The following ATP8A2 variants were observed in gnomAD, a reference collection of about 807,000 sequenced individuals.
The protein encoded by ATP8A2 is phospholipid-transporting ATPase IB.
ATP8A2 carries 100 observed loss-of-function variants against 165.6 expected under a neutral mutation model. The ratio of observed to expected loss-of-function variants is 0.60; its 90% CI spans 0.51 to 0.71. ATP8A2 has a LOEUF of 0.71. Ranked by LOEUF, ATP8A2 falls within the 30% of genes least tolerant of loss-of-function variation. ATP8A2 has a pLI of 0.00. For synonymous variants in ATP8A2, 543 were observed against 548.8 expected (o/e 0.99, Z 0.15); for missense variants, 1,227 against 1,479.5 (o/e 0.83, Z 2.80).
chr13:25,625,494 A>G (rs2041078340), intron 24 of ATP8A2, among the ~76,000 whole-genome samples: 1 of 152,208 alleles, frequency 6.6e-6, no homozygotes, highest in Admixed American at 6.5e-5. Context: ...AGCAATTCAA[A>G]GATTATTAAA....
chr13:25,486,822 C>T (rs1176961748), intron 2 of ATP8A2, among the ~76,000 whole-genome samples: 1 of 152,148 alleles, frequency 6.6e-6, no homozygotes, highest in African/African-American at 2.4e-5. Flanking sequence ...AAAAAATTAG[C>T]TGAGCATGGT....
At chr13:25,416,895 T>C (rs775640924) in intron 1 of ATP8A2, among the ~76,000 whole-genome samples, 3 of 152,154 alleles carry the variant, frequency 2.0e-5, no homozygotes, top group Non-Finnish European at 4.4e-5. Context: ...ATATACAAAG[T>C]AAAGATATTT....
intron 2 of ATP8A2, among the ~76,000 whole-genome samples, chr13:25,474,402 A>G (rs2035934431): frequency 6.6e-6 from 1 of 152,060 alleles, no homozygotes; most frequent in Non-Finnish European, 1.5e-5. Flanking sequence ...TCTACTAAAA[A>G]TACAAAAAAA....
chr13:25,800,381 T>C (rs1950596945), intron 27 of ATP8A2, among the ~76,000 whole-genome samples: 1 of 152,168 alleles, frequency 6.6e-6, no homozygotes, highest in Admixed American at 6.5e-5. Flanking sequence ...ACAAATTGGA[T>C]AATAAGATCA....
chr13:25,663,275 G>T (rs964924010), intron 24 of ATP8A2, among the ~76,000 whole-genome samples: 6 of 152,200 alleles, frequency 3.9e-5, no homozygotes, highest in Non-Finnish European at 8.8e-5. Context: ...ATGCAGGAGT[G>T]ACTTTAGCAT....
chr13:25,906,255 G>T lies in ATP8A2; in HGVS notation c.3183+43847G>T, dbSNP rs1413398276. Among the ~76,000 whole-genome samples, 3 of 92,656 alleles carry T rather than the reference G, an allele frequency of 3.2e-5. No individual in the cohort carries two copies. The Admixed American group carries it at 4.8e-4, about 15-fold the overall frequency. 60.8% of individuals were successfully genotyped at this position (92,656 alleles called of 152,430 possible). On this transcript the variant is annotated intron_variant, in intron 33 of 36. Transcript: ENST00000381655. ...TTTGCATCCTTTCACTACCCTCCCC[G>T]CCCCCCGCCCAATCCTAGCATAAAC...
chr13:25,634,431 C>T (rs1227736163), intron 24 of ATP8A2, among the ~76,000 whole-genome samples: 3 of 152,112 alleles, frequency 2.0e-5, no homozygotes, highest in Admixed American at 2.0e-4. Context: ...TGTTATTAGT[C>T]CCATAAAGTG....
chr13:25,453,885 G>GT (rs2035293424), intron 1 of ATP8A2, among the ~76,000 whole-genome samples: 1 of 152,114 alleles, frequency 6.6e-6, no homozygotes, highest in Admixed American at 6.6e-5. Context: ...ACAGATCTGT[G>GT]TTTTTTGATA....
At chr13:25,414,230 G>T (rs556433042) in intron 1 of ATP8A2, among the ~76,000 whole-genome samples, 1 of 140,566 alleles carries the variant, frequency 7.1e-6, no homozygotes, top group East Asian at 2.0e-4. Context: ...TCGCTCTGTC[G>T]CCCAGGCTGG....
At chr13:25,544,902 ATGAG>A (rs933849616) in intron 10 of ATP8A2, among the ~76,000 whole-genome samples, 38 of 138,504 alleles carry the variant, frequency 2.7e-4, no homozygotes, top group African/African-American at 9.0e-4. Flanking sequence ...CGTGAATTTT[ATGAG>A]TGAGTTTTTT....
intron 2 of ATP8A2, among the ~76,000 whole-genome samples, chr13:25,505,657 C>T (rs1454349058): frequency 8.5e-5 from 13 of 152,144 alleles, no homozygotes; most frequent in Admixed American, 6.6e-5. Flanking sequence ...TGTTTCGCTC[C>T]GCAGGTCTGG....
intron 1 of ATP8A2, among the ~76,000 whole-genome samples, chr13:25,432,311 C>A (rs369003454): frequency 6.6e-6 from 1 of 152,182 alleles, no homozygotes; most frequent in East Asian, 1.9e-4. Flanking sequence ...TGTGTGTCCA[C>A]GTGTTTGGGT....
At chr13:25,691,756 A>G (rs2042730200) in intron 24 of ATP8A2, among the ~76,000 whole-genome samples, 1 of 152,244 alleles carries the variant, frequency 6.6e-6, no homozygotes, top group South Asian at 2.1e-4. Context: ...CTAGATTGGA[A>G]GAAGGCAATA....
chr13:25,741,469 C>G (rs2043909630), intron 25 of ATP8A2, among the ~76,000 whole-genome samples: 1 of 152,182 alleles, frequency 6.6e-6, no homozygotes, highest in Admixed American at 6.5e-5. Flanking sequence ...CAGCCGCAAG[C>G]TCCCTGGACT....
intron 24 of ATP8A2, among the ~76,000 whole-genome samples, chr13:25,596,160 A>G (rs1406952186): frequency 6.6e-6 from 1 of 152,212 alleles, no homozygotes; most frequent in Non-Finnish European, 1.5e-5. Flanking sequence ...CAGTGCAGTG[A>G]GAAGTGGCTG....
intron 26 of ATP8A2, among the ~76,000 whole-genome samples, chr13:25,771,343 G>A (rs905433924): frequency 6.6e-6 from 1 of 152,098 alleles, no homozygotes; most frequent in Non-Finnish European, 1.5e-5. Context: ...GAGGCCTGTG[G>A]GACTCGCACT....
chr13:25,960,756 C>T (rs561703860), intron 33 of ATP8A2, among the ~76,000 whole-genome samples: 50 of 152,300 alleles, frequency 3.3e-4, no homozygotes, highest in African/African-American at 1.2e-3. Context: ...ACTCACCTAA[C>T]ATCTAACTTG....
In ATP8A2 at chr13:25,438,966, T is replaced by C. The variant is rs536608871; in HGVS notation, c.77-30011T>C. 2.4e-4 allele frequency among the ~76,000 whole-genome samples: 37 copies of C among 152,280 alleles called. 3 individuals are homozygous for C. The South Asian group carries it at 5.6e-3, about 23-fold the overall frequency. On this transcript the variant is annotated intron_variant, in intron 1 of 36. Coordinates refer to ENST00000381655, the MANE Select transcript of ATP8A2 (RefSeq NM_016529.6). ...GAGAATATATTTGGCTCAGACCCTT[T>C]AAGAATTCAAAGTGGAAAGGAGGCA...
At chr13:25,655,888 C>A (rs2041916883) in intron 24 of ATP8A2, among the ~76,000 whole-genome samples, 1 of 152,114 alleles carries the variant, frequency 6.6e-6, no homozygotes, top group Non-Finnish European at 1.5e-5. Flanking sequence ...TGCAAATGGG[C>A]AGAATGAATT....
Sources: allele counts gnomAD v4.1 joint callset (sites outside exome capture counted in the v4.1 genomes callset), GRCh38; gene constraint gnomAD v4.1.1; transcripts MANE v1.5; gene names NCBI Gene and HGNC (gene_info 2026-07-23, HGNC 2026-07-21).